The following STPG2 variants were observed in gnomAD, a reference collection of about 807,000 sequenced individuals.
The protein encoded by STPG2 is sperm-tail PG-rich repeat-containing protein 2.
Under a neutral mutation model 54.2 loss-of-function variants are expected in STPG2, and 56 were observed. The observed-to-expected ratio is 1.03, with a 90% confidence interval of 0.83 to 1.29. STPG2 has a LOEUF of 1.29. STPG2 is among the 50% of genes most tolerant of loss of function. STPG2 has a pLI of 0.00. For missense variants in STPG2, 596 were observed against 544.9 expected (o/e 1.09, Z -0.93); for synonymous variants, 200 against 181.8 (o/e 1.10, Z -0.81).
rs552015050 is a variant in STPG2 at position 97,904,015 on chromosome 4, G to A, written c.1044+39882C>T. Reference sequence around the variant, plus strand: ...GATCAAACTGCAAGGCAGCAGCGAGGCTGGGGGAGGGGCGCCCAGCATTGC... The same window carrying A: ...GATCAAACTGCAAGGCAGCAGCGAGACTGGGGGAGGGGCGCCCAGCATTGC... On this transcript the variant is annotated intron_variant, in intron 8 of 10. Coordinates refer to ENST00000295268, the MANE Select transcript of STPG2 (RefSeq NM_174952.3). Among the ~76,000 whole-genome samples, 6 of 152,346 alleles carry A rather than the reference G, an allele frequency of 3.9e-5. No homozygotes were observed. In the South Asian group the frequency reaches 8.3e-4, roughly 21 times the overall value.
intron 9 of STPG2, among the ~76,000 whole-genome samples, chr4:97,783,627 T>C (rs528106584): frequency 6.6e-6 from 1 of 152,300 alleles, no homozygotes; most frequent in African/African-American, 2.4e-5. Context: ...CATTCACATA[T>C]ATGTTTACTG....
intron 7 of STPG2, among the ~76,000 whole-genome samples, chr4:97,962,351 G>C (rs1444668419): frequency 1.3e-5 from 2 of 151,992 alleles, no homozygotes; most frequent in Non-Finnish European, 2.9e-5. Context: ...CCAATAGCCT[G>C]TGGAAATTTA....
At chr4:97,862,267 A>T (rs549723140) in intron 8 of STPG2, among the ~76,000 whole-genome samples, 1 of 151,984 alleles carries the variant, frequency 6.6e-6, no homozygotes, top group East Asian at 2.0e-4. Flanking sequence ...CAAGCAAATG[A>T]AAAACAAAAA....
chr4:97,441,887 T>G (rs1380393749), intron 4 of STPG2, among the ~76,000 whole-genome samples: 1 of 151,952 alleles, frequency 6.6e-6, no homozygotes, highest in Non-Finnish European at 1.5e-5. Flanking sequence ...AAAAAAGAAA[T>G]AGAAATCAAA....
chr4:97,517,911 CAACCA>C (rs386677603), intron 4 of STPG2, among the ~76,000 whole-genome samples: 11,598 of 152,126 alleles, frequency 0.076, 1,221 homozygotes, highest in African/African-American at 0.24. Context: ...AAAAGAATAT[CAACCA>C]TGTTGTCTTT....
chr4:97,577,587 A>G (rs924046250), intron 10 of STPG2, among the ~76,000 whole-genome samples: 9 of 152,112 alleles, frequency 5.9e-5, no homozygotes, highest in African/African-American at 2.2e-4. Context: ...TAGAGAGGGG[A>G]GTGAGGGAGG....
At chr4:97,755,738 T>C (rs1725706980) in intron 9 of STPG2, among the ~76,000 whole-genome samples, 1 of 152,152 alleles carries the variant, frequency 6.6e-6, no homozygotes, top group South Asian at 2.1e-4. Flanking sequence ...GATCAAAAGC[T>C]CTCTCTAAGT....
At chr4:97,636,068 C>T (rs1471151002) in intron 10 of STPG2, among the ~76,000 whole-genome samples, 1 of 151,848 alleles carries the variant, frequency 6.6e-6, no homozygotes, top group Non-Finnish European at 1.5e-5. Context: ...ACACCTATTC[C>T]AAAATTGACC....
At chr4:97,512,428 G>A (rs1312875889) in intron 4 of STPG2, among the ~76,000 whole-genome samples, 2 of 152,090 alleles carry the variant, frequency 1.3e-5, no homozygotes, top group Non-Finnish European at 2.9e-5. Flanking sequence ...TAAATGTTTA[G>A]CATGGAATGC....
At chr4:97,687,202 G>A (rs1294774678) in intron 10 of STPG2, among the ~76,000 whole-genome samples, 3 of 151,794 alleles carry the variant, frequency 2.0e-5, no homozygotes, top group African/African-American at 7.3e-5. Flanking sequence ...CACCCGCCTC[G>A]GCCTCCCAAA....
At chr4:97,847,569 G>A (rs540812075) in intron 8 of STPG2, among the ~76,000 whole-genome samples, 2 of 152,168 alleles carry the variant, frequency 1.3e-5, no homozygotes, top group African/African-American at 4.8e-5. Flanking sequence ...ATAACAAAAA[G>A]TGCTGATAGT....
At position 97,837,697 on chromosome 4, in the gene STPG2, T is replaced by C. The variant is rs544837508; in HGVS notation, c.1204+3076A>G. On this transcript the variant is annotated intron_variant, in intron 9 of 10. Coordinates refer to ENST00000295268, the MANE Select transcript of STPG2 (RefSeq NM_174952.3). ...TATTTCCTTCTTTAATTTAGACTAA[T>C]GAAAATGAGTTTTATCCCTCTTAAG... is the stretch of plus-strand genomic sequence containing the variant. Among the ~76,000 whole-genome samples, 199 of 151,804 alleles carry C rather than the reference T, an allele frequency of 1.3e-3. 1 individual carries two copies. Among genetic ancestry groups the C allele is most frequent in the African/African-American group, 4.6e-3 (192 of 41,532 alleles).
At chr4:97,952,730 GT>G (rs1733520852) in intron 7 of STPG2, among the ~76,000 whole-genome samples, 1 of 152,182 alleles carries the variant, frequency 6.6e-6, no homozygotes, top group Admixed American at 6.5e-5. Flanking sequence ...GCCTTAGTGT[GT>G]TGGTTTTCTC....
intron 10 of STPG2, among the ~76,000 whole-genome samples, chr4:97,672,397 C>T (rs145583144): frequency 0.062 from 9,470 of 151,840 alleles, 372 homozygotes; most frequent in South Asian, 0.17. Flanking sequence ...AGGCTGGTCT[C>T]GAACTCCCAA....
At chr4:98,009,589 G>A (rs1735680055) in intron 5 of STPG2, among the ~76,000 whole-genome samples, 1 of 151,928 alleles carries the variant, frequency 6.6e-6, no homozygotes, top group Admixed American at 6.6e-5. Flanking sequence ...ATGTCTGTTA[G>A]GTCCATTTGG....
At chr4:98,039,984 T>C (rs1736897809) in intron 5 of STPG2, among the ~76,000 whole-genome samples, 1 of 151,978 alleles carries the variant, frequency 6.6e-6, no homozygotes, top group Non-Finnish European at 1.5e-5. Context: ...TGCCAACATC[T>C]GTTATTCTTT....
intron 4 of STPG2, among the ~76,000 whole-genome samples, chr4:98,106,621 T>C (rs1317910143): frequency 6.6e-6 from 1 of 152,174 alleles, no homozygotes; most frequent in Non-Finnish European, 1.5e-5. Context: ...TACCTACTGC[T>C]ACCTATTGGT....
chr4:97,622,944 G>T (rs1167652737), intron 10 of STPG2, among the ~76,000 whole-genome samples: 1 of 152,038 alleles, frequency 6.6e-6, no homozygotes, highest in Non-Finnish European at 1.5e-5. Flanking sequence ...GAACAGATTA[G>T]AGAGCTCAGA....
At chr4:98,095,834 C>T (rs773562734) in intron 5 of STPG2, among the ~76,000 whole-genome samples, 5 of 152,180 alleles carry the variant, frequency 3.3e-5, no homozygotes, top group African/African-American at 7.2e-5. Context: ...GAGATATTTA[C>T]AGAACATTTC....
Sources: allele counts gnomAD v4.1 joint callset (sites outside exome capture counted in the v4.1 genomes callset), GRCh38; gene constraint gnomAD v4.1.1; transcripts MANE v1.5; gene names NCBI Gene and HGNC (gene_info 2026-07-23, HGNC 2026-07-21).